Variants in ADARB2 observed in about 807,000 individuals in gnomAD.
The protein encoded by ADARB2 is inactive double-stranded RNA-specific editase B2.
ADARB2 carries 25 observed loss-of-function variants against 62.2 expected under a neutral mutation model. The observed-to-expected ratio is 0.40, with a 90% CI of 0.29 to 0.56. ADARB2 has a LOEUF of 0.56. Among genes scored for constraint, ADARB2 ranks in the 20% least tolerant of loss-of-function variants. ADARB2 has a pLI of 0.43. For missense variants in ADARB2, 1,071 were observed against 1,077.4 expected, an observed-to-expected ratio of 0.99 and a Z score of 0.08; for synonymous variants, 572 against 500.8, an observed-to-expected ratio of 1.14 and a Z score of -1.90.
chr10:1,211,736 A>G (rs569554575), intron 7 of ADARB2, among the ~76,000 whole-genome samples: 3 of 152,354 alleles, frequency 2.0e-5, no homozygotes, highest in African/African-American at 7.2e-5. Flanking sequence ...AGGTTTGGGC[A>G]GCGATGAAGG....
intron 1 of ADARB2, among the ~76,000 whole-genome samples, chr10:1,462,726 C>CATGTGTGT (rs1831193331): frequency 6.7e-6 from 1 of 150,148 alleles, no homozygotes; most frequent in Non-Finnish European, 1.5e-5. Context: ...ACTGTATGTG[C>CATGTGTGT]ATGTGTGTAT....
chr10:1,202,181 G>A (rs900895484), intron 7 of ADARB2, among the ~76,000 whole-genome samples: 4 of 148,682 alleles, frequency 2.7e-5, no homozygotes, highest in African/African-American at 1.0e-4. Context: ...GGGCTCAAGC[G>A]ATCCTCCCAC....
chr10:1,320,873 T>TG (rs1223343053), intron 3 of ADARB2, among the ~76,000 whole-genome samples: 4 of 152,126 alleles, frequency 2.6e-5, no homozygotes, highest in Non-Finnish European at 4.4e-5. Flanking sequence ...ATTTTGGAGG[T>TG]GGGGCATTGT....
chr10:1,373,317 C>T (rs1832389686), intron 2 of ADARB2, among the ~76,000 whole-genome samples: 1 of 151,998 alleles, frequency 6.6e-6, no homozygotes, highest in African/African-American at 2.4e-5. Context: ...CTCTGACACA[C>T]ACACACACAC....
chr10:1,586,194 T>C (rs1833178445), intron 1 of ADARB2, among the ~76,000 whole-genome samples: 1 of 152,216 alleles, frequency 6.6e-6, no homozygotes, highest in Non-Finnish European at 1.5e-5. Flanking sequence ...GTCTCAGGTA[T>C]TTTCTGTTCA....
intron 1 of ADARB2, among the ~76,000 whole-genome samples, chr10:1,592,097 A>G (rs888839991): frequency 6.6e-6 from 1 of 152,196 alleles, no homozygotes; most frequent in African/African-American, 2.4e-5. Context: ...TGAATTCAAG[A>G]TCTTGTTTAG....
chr10:1,361,386 CA>C (rs1167256927), intron 3 of ADARB2: 1 of 152,298 alleles, frequency 6.6e-6, no homozygotes, highest in East Asian at 1.9e-4. Context: ...ATGTGGAAGC[CA>C]TCCTTGCTGT....
intron 3 of ADARB2, among the ~76,000 whole-genome samples, chr10:1,300,796 T>C (rs1173791414): frequency 5.3e-5 from 8 of 152,220 alleles, no homozygotes; most frequent in Non-Finnish European, 2.9e-5. Flanking sequence ...TGGAGGCTTG[T>C]TTTTCTCATC....
chr10:1,604,436 G>A (rs1277368845), intron 1 of ADARB2, among the ~76,000 whole-genome samples: 1 of 152,158 alleles, frequency 6.6e-6, no homozygotes, highest in Non-Finnish European at 1.5e-5. Context: ...AGGAAGATTC[G>A]ACCCAGATCC....
At chr10:1,197,841 T>TTC (rs1233434698) in intron 8 of ADARB2, among the ~76,000 whole-genome samples, 1 of 152,248 alleles carries the variant, frequency 6.6e-6, no homozygotes, top group Non-Finnish European at 1.5e-5. Context: ...AGCCTTGATG[T>TTC]TGAAAGCTCA....
At chr10:1,544,952 A>AGT (rs1832496041) in intron 1 of ADARB2, among the ~76,000 whole-genome samples, 1 of 5,938 alleles carries the variant, frequency 1.7e-4, no homozygotes. Flanking sequence ...ATAATAGCAA[A>AGT]GTATACACAC....
intron 1 of ADARB2, among the ~76,000 whole-genome samples, chr10:1,636,784 C>A (rs1014722538): frequency 2.7e-5 from 4 of 146,490 alleles, no homozygotes; most frequent in Non-Finnish European, 6.0e-5. Flanking sequence ...TGAAATATAT[C>A]AATATTATAT....
At chr10:1,215,298 G>A (rs1192617215) in intron 7 of ADARB2, among the ~76,000 whole-genome samples, 1 of 152,228 alleles carries the variant, frequency 6.6e-6, no homozygotes, top group East Asian at 1.9e-4. Flanking sequence ...CTGGGTGGCT[G>A]CGTTTTGAAG....
chr10:1,334,354 C>T (rs991924956), intron 3 of ADARB2, among the ~76,000 whole-genome samples: 3 of 152,182 alleles, frequency 2.0e-5, no homozygotes, highest in African/African-American at 7.2e-5. Context: ...CCATGAGCAG[C>T]GATGTCTAAA....
intron 1 of ADARB2, among the ~76,000 whole-genome samples, chr10:1,516,752 G>C (rs1832014208): frequency 6.6e-6 from 1 of 152,210 alleles, no homozygotes; most frequent in Admixed American, 6.5e-5. Flanking sequence ...ACAGAGATGG[G>C]GGAAAATGAG....
intron 1 of ADARB2, among the ~76,000 whole-genome samples, chr10:1,612,640 C>T (rs1274573869): frequency 1.3e-5 from 2 of 152,180 alleles, no homozygotes; most frequent in Non-Finnish European, 2.9e-5. Flanking sequence ...AATATCGCAG[C>T]CCTGTGTGTT....
intron 1 of ADARB2, among the ~76,000 whole-genome samples, chr10:1,730,387 A>C (rs1194157696): frequency 6.6e-6 from 1 of 152,102 alleles, no homozygotes; most frequent in Non-Finnish European, 1.5e-5. Flanking sequence ...TTGCTTGTAC[A>C]CAGTGTGGCC....
At chr10:1,536,096 AGG>A (rs1469364097) in intron 1 of ADARB2, among the ~76,000 whole-genome samples, 1 of 152,156 alleles carries the variant, frequency 6.6e-6, no homozygotes, top group Non-Finnish European at 1.5e-5. Context: ...AGCTCCTGGC[AGG>A]GTGGGTCCAA....
At chr10:1,277,345 T>C (rs1589175018) in intron 3 of ADARB2, among the ~76,000 whole-genome samples, 1 of 151,976 alleles carries the variant, frequency 6.6e-6, no homozygotes, top group African/African-American at 2.4e-5. Flanking sequence ...ATCAACAAAA[T>C]TGATAGACCG....
Sources: gnomAD v4.1 joint callset for allele counts (sites outside exome capture counted in the v4.1 genomes callset) on GRCh38, gnomAD v4.1.1 for gene constraint, MANE v1.5 for transcripts, NCBI Gene and HGNC (gene_info 2026-07-23, HGNC 2026-07-21) for gene names.